Variants in CNTNAP2 observed in about 807,000 individuals in gnomAD.
The protein encoded by CNTNAP2 is contactin-associated protein-like 2.
In CNTNAP2, 98 loss-of-function variants were observed where a neutral mutation model predicts 155.2. The observed-to-expected ratio is 0.63, with a 90% confidence interval of 0.54 to 0.75. CNTNAP2 has a LOEUF of 0.75. Among genes scored for constraint, CNTNAP2 ranks in the 30% least tolerant of loss-of-function variants. The pLI, the probability that CNTNAP2 is intolerant of heterozygous loss-of-function variation, is 0.00. For missense variants in CNTNAP2, 1,727 were observed against 1,688.1 expected (o/e 1.02, Z -0.40); for synonymous variants, 651 against 631.2 (o/e 1.03, Z -0.47).
intron 22 of CNTNAP2, among the ~76,000 whole-genome samples, chr7:148,394,599 G>T (rs1799425479): frequency 6.6e-6 from 1 of 152,166 alleles, no homozygotes; most frequent in African/African-American, 2.4e-5. Flanking sequence ...ACCTGGTGAT[G>T]CCCAGTTACA....
chr7:146,745,605 A>G (rs1288631118), intron 1 of CNTNAP2, among the ~76,000 whole-genome samples: 1 of 152,068 alleles, frequency 6.6e-6, no homozygotes, highest in African/African-American at 2.4e-5. Flanking sequence ...CGTCTCTACT[A>G]AAAATGCAAA....
At chr7:146,124,678 TA>T (rs1025367821) in intron 1 of CNTNAP2, among the ~76,000 whole-genome samples, 1 of 152,240 alleles carries the variant, frequency 6.6e-6, no homozygotes, top group African/African-American at 2.4e-5. Flanking sequence ...GTCTGGACTA[TA>T]AAATATGACT....
intron 10 of CNTNAP2, among the ~76,000 whole-genome samples, chr7:147,427,206 G>A (rs1797392111): frequency 1.3e-5 from 2 of 152,084 alleles, no homozygotes; most frequent in Admixed American, 1.3e-4. Context: ...TTATAAGGAT[G>A]TTAGTCCCAT....
At chr7:146,811,412 T>C (rs1049850503) in intron 2 of CNTNAP2, among the ~76,000 whole-genome samples, 8 of 152,194 alleles carry the variant, frequency 5.3e-5, no homozygotes, top group Admixed American at 3.9e-4. Flanking sequence ...ACTTATCTAA[T>C]TTGTTGGCAT....
At chr7:146,550,029 C>G (rs892056742) in intron 1 of CNTNAP2, among the ~76,000 whole-genome samples, 1 of 151,914 alleles carries the variant, frequency 6.6e-6, no homozygotes, top group African/African-American at 2.4e-5. Flanking sequence ...AAAAGAAAAG[C>G]GTGGAACCTA....
At chr7:146,969,507 C>G (rs1246248770) in intron 3 of CNTNAP2, among the ~76,000 whole-genome samples, 2 of 152,066 alleles carry the variant, frequency 1.3e-5, no homozygotes, top group Non-Finnish European at 2.9e-5. Flanking sequence ...GTATTGGGTG[C>G]ATATATATTT....
intron 13 of CNTNAP2, among the ~76,000 whole-genome samples, chr7:147,878,267 A>G (rs1799458604): frequency 6.6e-6 from 1 of 151,812 alleles, no homozygotes; most frequent in African/African-American, 2.4e-5. Flanking sequence ...TTGTTCAGTA[A>G]ATGATGATGA....
chr7:146,936,090 G>C (rs770450434), intron 3 of CNTNAP2, among the ~76,000 whole-genome samples: 2 of 152,082 alleles, frequency 1.3e-5, no homozygotes, highest in Non-Finnish European at 2.9e-5. Flanking sequence ...TGCTAAGACC[G>C]GAAACCCAAA....
chr7:146,876,181 G>A (rs1318702224), intron 3 of CNTNAP2, among the ~76,000 whole-genome samples: 1 of 151,912 alleles, frequency 6.6e-6, no homozygotes, highest in Non-Finnish European at 1.5e-5. Context: ...TTGACTCTTA[G>A]GGAGTTCATG....
At chr7:146,426,717 C>T (rs1213421074) in intron 1 of CNTNAP2, among the ~76,000 whole-genome samples, 3 of 150,318 alleles carry the variant, frequency 2.0e-5, no homozygotes, top group Middle Eastern at 3.3e-3. Flanking sequence ...ATATTGGAGA[C>T]GTGTTGTTCA....
intron 18 of CNTNAP2, among the ~76,000 whole-genome samples, chr7:148,207,626 T>C (rs1795473244): frequency 6.6e-6 from 1 of 152,190 alleles, no homozygotes; most frequent in African/African-American, 2.4e-5. Context: ...TGTCAGAAGA[T>C]TTACAGGTTT....
intron 13 of CNTNAP2, among the ~76,000 whole-genome samples, chr7:147,825,764 A>C (rs1183204634): frequency 6.6e-6 from 1 of 152,152 alleles, no homozygotes; most frequent in East Asian, 1.9e-4. Flanking sequence ...ACAACCACTA[A>C]ACAAAGAGTG....
intron 8 of CNTNAP2, among the ~76,000 whole-genome samples, chr7:147,253,383 GT>G (rs556721401): frequency 0.044 from 5,208 of 118,558 alleles, 91 homozygotes; most frequent in Middle Eastern, 0.061. Context: ...CAGGTTCTCT[GT>G]TTTTTTTTTT....
intron 8 of CNTNAP2, among the ~76,000 whole-genome samples, chr7:147,193,951 TG>T (rs146810380): frequency 0.022 from 3,303 of 151,968 alleles, 42 homozygotes; most frequent in South Asian, 0.04. Context: ...TATCTTAGAT[TG>T]TTTTTTTTTT....
chr7:147,440,132 T>C (rs574360357), intron 10 of CNTNAP2, among the ~76,000 whole-genome samples: 16 of 152,132 alleles, frequency 1.1e-4, no homozygotes, highest in Admixed American at 3.3e-4. Flanking sequence ...TGTTTTGTGG[T>C]CTTCTCTTCC....
chr7:147,422,928 T>A (rs978849160), intron 10 of CNTNAP2, among the ~76,000 whole-genome samples: 8 of 152,326 alleles, frequency 5.3e-5, no homozygotes, highest in Middle Eastern at 3.4e-3. Flanking sequence ...ATAACTTTAC[T>A]GCATACAAGT....
intron 17 of CNTNAP2, among the ~76,000 whole-genome samples, chr7:148,163,656 T>G (rs1437337148): frequency 1.3e-5 from 2 of 152,224 alleles, no homozygotes; most frequent in East Asian, 3.8e-4. Flanking sequence ...GAGTTATGAA[T>G]GAGCACTCAT....
intron 12 of CNTNAP2, among the ~76,000 whole-genome samples, chr7:147,601,369 G>T (rs1280771979): frequency 1.3e-5 from 2 of 151,910 alleles, no homozygotes; most frequent in Non-Finnish European, 2.9e-5. Context: ...CAGTCAAAGG[G>T]GGTTGTTCTC....
At chr7:147,175,504 G>C (rs1426901872) in intron 8 of CNTNAP2, among the ~76,000 whole-genome samples, 4 of 151,914 alleles carry the variant, frequency 2.6e-5, no homozygotes, top group African/African-American at 9.7e-5. Context: ...TTTATTAATT[G>C]GTTTCCCTTC....
Sources: allele counts gnomAD v4.1 joint callset (sites outside exome capture counted in the v4.1 genomes callset), GRCh38; gene constraint gnomAD v4.1.1; transcripts MANE v1.5; gene names NCBI Gene and HGNC (gene_info 2026-07-23, HGNC 2026-07-21).